The following CDK8 variants were observed in gnomAD, a reference collection of about 807,000 sequenced individuals.
CDK8 encodes the protein cyclin dependent kinase 8.
CDK8 carries 29 observed loss-of-function variants against 71.5 expected under a neutral mutation model. That is an observed-to-expected ratio of 0.41 (90% CI 0.30 to 0.55). CDK8 has a LOEUF of 0.55. Among genes scored for constraint, CDK8 ranks in the 20% least tolerant of loss-of-function variants. The pLI, the probability that CDK8 is intolerant of heterozygous loss-of-function variation, is 0.37. For missense variants in CDK8, 288 were observed against 572.6 expected (o/e 0.50, Z 5.07); for synonymous variants, 161 against 192.1 (o/e 0.84, Z 1.34).
intron 1 of CDK8, among the ~76,000 whole-genome samples, chr13:26,325,437 A>T (rs1874973932): frequency 6.6e-6 from 1 of 152,204 alleles, no homozygotes; most frequent in Non-Finnish European, 1.5e-5. Context: ...GTGTAAGATT[A>T]TTGGGCATGA....
intron 1 of CDK8, among the ~76,000 whole-genome samples, chr13:26,268,263 A>ACG (rs1872128394): frequency 3.6e-5 from 1 of 27,544 alleles, no homozygotes; most frequent in African/African-American, 6.3e-5. Context: ...CCCAACACAC[A>ACG]CACACACACA....
Position 26,254,897 on chromosome 13 carries a change from C to G in CDK8, c.128+128C>G. On this transcript the variant is annotated intron_variant, in intron 1 of 12. Transcript: ENST00000381527. This position sits in a 1 kb window ranked among gnomAD's most constrained non-coding sequence, Gnocchi z 6.7. Reference sequence around the variant, plus strand: ...ACTTCCTCGACGCCGGCCTCTGGCTCCGCCAGCCAGGTTTGGGGAGGAAGT... The same window carrying G: ...ACTTCCTCGACGCCGGCCTCTGGCTGCGCCAGCCAGGTTTGGGGAGGAAGT... The G allele has an allele frequency of 1.5e-6, 2 of 1,344,410 alleles. No homozygotes were observed. The highest frequency in any genetic ancestry group is 2.0e-6 in the Non-Finnish European group (2 of 988,970). The allele number at this position is 1,344,410 out of a possible 1,614,324, so 83.3% of individuals were successfully genotyped here.
intron 1 of CDK8, among the ~76,000 whole-genome samples, chr13:26,282,528 C>T (rs571479542): frequency 6.6e-6 from 1 of 152,226 alleles, no homozygotes; most frequent in South Asian, 2.1e-4. Context: ...GAGGATTCAC[C>T]ATCACCACAC....
chr13:26,357,217 C>T (rs1039532838), intron 4 of CDK8, among the ~76,000 whole-genome samples: 2 of 152,004 alleles, frequency 1.3e-5, no homozygotes, highest in Non-Finnish European at 2.9e-5. Context: ...AGCTGAAATC[C>T]GGCATCCTTG....
intron 4 of CDK8, among the ~76,000 whole-genome samples, chr13:26,374,894 A>C (rs1298135146): frequency 6.6e-6 from 1 of 151,238 alleles, no homozygotes; most frequent in Non-Finnish European, 1.5e-5. Context: ...AAAAATGTTT[A>C]TATTCTTTAC....
At chr13:26,387,817 C>T (rs187200991) in intron 6 of CDK8, among the ~76,000 whole-genome samples, 8 of 152,224 alleles carry the variant, frequency 5.3e-5, no homozygotes, top group Admixed American at 2.0e-4. Flanking sequence ...GAGAACTTCC[C>T]GGATTACATA....
chr13:26,359,835 C>T lies in CDK8; in HGVS notation c.456+5955C>T, dbSNP rs559572255. ...GGTTCAAGTGATTCTCCTGCCTTAGCCTCCCAAGTAGCTGGGATTACAGGC... is the reference window on the plus strand; with the variant it reads ...GGTTCAAGTGATTCTCCTGCCTTAGTCTCCCAAGTAGCTGGGATTACAGGC... On this transcript the variant is annotated intron_variant, in intron 4 of 12. Transcript: ENST00000381527. 1.2e-4 allele frequency: 30 copies of T among 258,424 alleles called. 1 individual carries two copies. The East Asian group carries it at 1.8e-3, about 16-fold the overall frequency. 16.0% of individuals were successfully genotyped at this position (258,424 alleles called of 1,614,324 possible).
At chr13:26,390,007 A>G (rs916649530) in intron 6 of CDK8, among the ~76,000 whole-genome samples, 7 of 152,174 alleles carry the variant, frequency 4.6e-5, no homozygotes, top group African/African-American at 1.7e-4. Context: ...CATAAAAAGT[A>G]AAAATAAAAT....
intron 1 of CDK8, among the ~76,000 whole-genome samples, chr13:26,314,202 AT>A (rs1874409752): frequency 6.6e-6 from 1 of 151,894 alleles, no homozygotes; most frequent in African/African-American, 2.4e-5. Flanking sequence ...ACTTTATTTA[AT>A]TTTTTTTCTT....
intron 2 of CDK8, among the ~76,000 whole-genome samples, chr13:26,341,982 G>A (rs372235839): frequency 1.7e-4 from 26 of 151,958 alleles, no homozygotes; most frequent in Middle Eastern, 6.8e-3. Flanking sequence ...GTACAGTGGC[G>A]CAATCTCGGC....
chr13:26,354,796 G>A (rs1244792284), intron 4 of CDK8, among the ~76,000 whole-genome samples: 2 of 152,148 alleles, frequency 1.3e-5, no homozygotes, highest in South Asian at 2.1e-4. Flanking sequence ...TGCCAAAAAG[G>A]TTGGGGACTG....
intron 4 of CDK8, among the ~76,000 whole-genome samples, chr13:26,379,447 C>T (rs989997410): frequency 6.6e-6 from 1 of 152,166 alleles, no homozygotes; most frequent in African/African-American, 2.4e-5. Flanking sequence ...AGATTTAGAA[C>T]TCGACCAGTT....
chr13:26,271,502 A>G (rs536613208), intron 1 of CDK8, among the ~76,000 whole-genome samples: 42 of 152,296 alleles, frequency 2.8e-4, no homozygotes, highest in African/African-American at 1.0e-3. Context: ...TAGTAAAAAT[A>G]TGGCATAAAA....
chr13:26,263,433 C>T (rs150421686), intron 1 of CDK8, among the ~76,000 whole-genome samples: 1 of 136,290 alleles, frequency 7.3e-6, no homozygotes, highest in Admixed American at 7.3e-5. Context: ...CGCGCCCGGC[C>T]GGGAGTAGGT....
chr13:26,298,919 AC>A (rs1176716831), intron 1 of CDK8, among the ~76,000 whole-genome samples: 7 of 152,030 alleles, frequency 4.6e-5, no homozygotes, highest in Non-Finnish European at 1.0e-4. Flanking sequence ...CCACCAAGAA[AC>A]CCTGTCCTAA....
chr13:26,397,129 TA>T lies in CDK8; in HGVS notation c.861-23del, dbSNP rs1331306350. 144 of 1,346,694 alleles carry T rather than the reference TA, an allele frequency of 1.1e-4. 1 individual carries two copies. The highest frequency in any genetic ancestry group is 1.5e-4 in the Non-Finnish European group (137 of 939,948). 83.4% of individuals were successfully genotyped at this position (1,346,694 alleles called of 1,614,324 possible). ...CAATTAACCTCAAGTCTAATATAGC[TA>T]TTTCATAGTATTTCTCTTTCAGGTA... On this transcript the variant is annotated intron_variant, in intron 8 of 12. Coordinates refer to ENST00000381527, the MANE Select transcript of CDK8 (RefSeq NM_001260.3).
intron 1 of CDK8, among the ~76,000 whole-genome samples, chr13:26,333,922 C>T (rs1365371149): frequency 1.3e-5 from 2 of 152,084 alleles, no homozygotes; most frequent in Non-Finnish European, 2.9e-5. Context: ...GTATCTTTTA[C>T]TAAAAAAATG....
intron 4 of CDK8, among the ~76,000 whole-genome samples, chr13:26,364,210 T>G (rs1164492251): frequency 6.6e-6 from 1 of 152,146 alleles, no homozygotes; most frequent in African/African-American, 2.4e-5. Flanking sequence ...CATAAACGAA[T>G]CAGGAAAACA....
intron 2 of CDK8, among the ~76,000 whole-genome samples, chr13:26,342,702 C>G (rs1287808852): frequency 6.6e-6 from 1 of 152,108 alleles, no homozygotes; most frequent in Non-Finnish European, 1.5e-5. Flanking sequence ...ACCTGTCTGT[C>G]TCCTAATATG....
Sources: gnomAD v4.1 joint callset for allele counts (sites outside exome capture counted in the v4.1 genomes callset) on GRCh38, gnomAD v4.1.1 for gene constraint, Gnocchi (gnomAD v3.1) non-coding constraint, MANE v1.5 for transcripts, NCBI Gene and HGNC (gene_info 2026-07-23, HGNC 2026-07-21) for gene names.